The following CBX3 variants were observed in gnomAD, a reference collection of about 807,000 sequenced individuals.
CBX3 encodes the protein chromobox 3.
CBX3 carries 5 observed loss-of-function variants against 22.6 expected under a neutral mutation model. The ratio of observed to expected loss-of-function variants is 0.22; its 90% CI spans 0.12 to 0.47. CBX3 has a LOEUF of 0.47. CBX3 is among the 20% of genes least tolerant of loss of function. The probability of loss-of-function intolerance (pLI) is 0.99; values close to 1 mark genes in which losing one functional copy is unlikely to be tolerated. For synonymous variants in CBX3, 50 were observed against 66.6 expected, an observed-to-expected ratio of 0.75 and a Z score of 1.21; for missense variants, 83 against 208.1, an observed-to-expected ratio of 0.40 and a Z score of 3.70.
chr7:26,202,878 C>T, intron 1 of CBX3, 93 bp from the exon 2 acceptor site: 1 of 761,866 alleles, frequency 1.3e-6, no homozygotes. Context: ...AATGTGCGCT[C>T]TCTACTTGGG....
At chr7:26,202,841 C>G (rs914975038) in intron 1 of CBX3, 130 bp from the exon 2 acceptor site, 1 of 709,790 alleles carries the variant, frequency 1.4e-6, no homozygotes, top group Non-Finnish European at 2.5e-6. Flanking sequence ...GAGCGCAGAT[C>G]TACTCTGGAT....
chr7:26,212,001 C>A, intron 5 of CBX3, 81 bp from the exon 6 acceptor site: 1 of 1,260,402 alleles, frequency 7.9e-7, no homozygotes, highest in Non-Finnish European at 1.1e-6. Context: ...TTTGTTTGGA[C>A]TATTATTTCT....
chr7:26,207,356 C>T (rs984444160), intron 3 of CBX3, among the ~76,000 whole-genome samples: 3 of 152,058 alleles, frequency 2.0e-5, no homozygotes, highest in Admixed American at 6.6e-5. Flanking sequence ...AAGTATGTGT[C>T]GTAAGTCCCT....
At chr7:26,203,084 T>C in intron 2 of CBX3, 62 bp downstream of exon 2, 2 of 1,045,660 alleles carry the variant, frequency 1.9e-6, no homozygotes, top group Non-Finnish European at 2.8e-6. Context: ...CCCCACAGTA[T>C]AACTTTGCAT....
At chr7:26,209,140 C>A (rs1188104001) in intron 4 of CBX3, among the ~76,000 whole-genome samples, 2 of 151,758 alleles carry the variant, frequency 1.3e-5, no homozygotes, top group African/African-American at 4.8e-5. Context: ...CTCCTGACAT[C>A]AGGTGATCCA....
At position 26,213,085 on chromosome 7, in the gene CBX3, C is replaced by T. The variant is rs1383866628; in HGVS notation, c.*877C>T. 1.3e-5 allele frequency: 2 copies of T among 152,368 alleles called. No individual in the cohort carries two copies. Among genetic ancestry groups the T allele is most frequent in the African/African-American group, 4.8e-5 (2 of 41,468 alleles). 9.4% of individuals were successfully genotyped at this position (152,368 alleles called of 1,614,324 possible). Reference sequence around the variant, plus strand: ...TATGTAAGACTTGGCTCATAGAAACCTAATCAGATGGTTAGAGGTGTTGGC... The same window carrying T: ...TATGTAAGACTTGGCTCATAGAAACTTAATCAGATGGTTAGAGGTGTTGGC... On this transcript the variant is annotated 3_prime_UTR_variant, in exon 6 of 6. Coordinates refer to ENST00000396386, the MANE Select transcript of CBX3 (RefSeq NM_016587.4).
intron 2 of CBX3, 169 bp from the exon 3 acceptor site, chr7:26,206,199 C>T (rs1383961195): frequency 2.2e-5 from 12 of 553,892 alleles, no homozygotes; most frequent in Non-Finnish European, 3.5e-5. Context: ...ATAAAGCATT[C>T]TTTTATTTTA....
At chr7:26,208,858 T>G (rs1784739720) in intron 4 of CBX3, among the ~76,000 whole-genome samples, 1 of 141,266 alleles carries the variant, frequency 7.1e-6, no homozygotes, top group Non-Finnish European at 1.5e-5. Flanking sequence ...GACCTCATGA[T>G]CCTCCCGCCT....
Position 26,213,576 on chromosome 7 carries a change from A to G in CBX3, c.*1368A>G, listed in dbSNP as rs906901315. Among the ~76,000 whole-genome samples, 7 of 152,168 alleles carry G rather than the reference A, an allele frequency of 4.6e-5. No homozygotes were observed. The highest frequency in any genetic ancestry group is 1.0e-4 in the Non-Finnish European group (7 of 68,030). On this transcript the variant is annotated 3_prime_UTR_variant, in exon 6 of 6. Coordinates refer to ENST00000396386, the MANE Select transcript of CBX3 (RefSeq NM_016587.4). ...AAGTTTCATGTGATGCCTAGGGTCA[A>G]TTGTCTCATTAAAATGAGGTTTTAA...
At chr7:26,204,407 T>A (rs550066618) in intron 2 of CBX3, among the ~76,000 whole-genome samples, 61 of 152,212 alleles carry the variant, frequency 4.0e-4, no homozygotes, top group Non-Finnish European at 7.1e-4. Context: ...CCATTATTCC[T>A]ACCTTCTTGT....
At chr7:26,211,873 T>C (rs79501180) in intron 5 of CBX3, 117 bp downstream of exon 5, 9,272 of 881,174 alleles carry the variant, frequency 0.011, 63 homozygotes, top group Non-Finnish European at 0.013. Flanking sequence ...ATGATTCTGG[T>C]TACTTTTACT....
At chr7:26,201,726 A>C (rs1784457756), upstream of CBX3, 2 of 87,326 alleles carry the variant, frequency 2.3e-5, no homozygotes, top group Non-Finnish European at 2.5e-5. Flanking sequence ...CCCCGCGCGC[A>C]GCTCCCGGCT....
At chr7:26,202,885 T>C (rs1330227430) in intron 1 of CBX3, 86 bp from the exon 2 acceptor site, 1 of 803,016 alleles carries the variant, frequency 1.2e-6, no homozygotes, top group Non-Finnish European at 2.1e-6. Context: ...GCTCTCTACT[T>C]GGGGGTTGGA....
chr7:26,203,327 C>A (rs1311185834), intron 2 of CBX3, among the ~76,000 whole-genome samples: 1 of 152,158 alleles, frequency 6.6e-6, no homozygotes, highest in African/African-American at 2.4e-5. Context: ...AAAAATGTTA[C>A]ATAAAATGGT....
chr7:26,206,529 T>C lies in CBX3; in HGVS notation c.167+19T>C, dbSNP rs1402911371. ...TTACAGAGTAAGAAACTTTAGTGCA[T>C]CTTTACTATATGTTTAACTGCAGCT... On this transcript the variant is annotated intron_variant, in intron 3 of 5. Transcript: ENST00000396386. The C allele has an allele frequency of 6.2e-7, 1 of 1,608,948 alleles. No homozygotes were observed. The highest frequency in any genetic ancestry group is 1.3e-5 in the African/African-American group (1 of 74,708).
chr7:26,202,880 C>G, intron 1 of CBX3, 91 bp from the exon 2 acceptor site: 2 of 779,604 alleles, frequency 2.6e-6, no homozygotes, highest in East Asian at 2.8e-5. Context: ...TGTGCGCTCT[C>G]TACTTGGGGG....
intron 3 of CBX3, 88 bp from the exon 4 acceptor site, chr7:26,208,305 C>T: frequency 1.8e-6 from 2 of 1,090,900 alleles, no homozygotes; most frequent in Non-Finnish European, 2.6e-6. Context: ...TTTTATTCCC[C>T]CGGGTGTCTA....
rs1784819977 is a variant in CBX3 at position 26,212,321 on chromosome 7, T to G, written c.*113T>G. ...ACATCCTAATGAAAATCAAGTTTGA[T>G]ATGTTTGTTTTGAAAGTAGCGTTGG... On this transcript the variant is annotated 3_prime_UTR_variant, in exon 6 of 6. Transcript: ENST00000396386. 1.4e-6 allele frequency: 1 copy of G among 694,558 alleles called. No homozygotes were observed. The highest frequency in any genetic ancestry group is 1.9e-5 in the African/African-American group (1 of 52,150). 43.0% of individuals were successfully genotyped at this position (694,558 alleles called of 1,614,324 possible).
At chr7:26,209,544 C>A (rs755286043) in intron 4 of CBX3, among the ~76,000 whole-genome samples, 1 of 152,134 alleles carries the variant, frequency 6.6e-6, no homozygotes, top group East Asian at 1.9e-4. Context: ...CATTGACCAC[C>A]GAAAAGTACT....
Sources: gnomAD v4.1 joint callset for allele counts (sites outside exome capture counted in the v4.1 genomes callset) on GRCh38, gnomAD v4.1.1 for gene constraint, MANE v1.5 for transcripts, NCBI Gene and HGNC (gene_info 2026-07-23, HGNC 2026-07-21) for gene names.